Variants in KLHL24 observed in about 807,000 individuals in gnomAD.
KLHL24 encodes the protein kelch-like protein 24.
A neutral mutation model predicts 53.4 loss-of-function variants in KLHL24; 29 were observed. The ratio of observed to expected loss-of-function variants is 0.54; its 90% CI spans 0.40 to 0.74. The LOEUF is 0.74. Among genes scored for constraint, KLHL24 ranks in the 30% least tolerant of loss-of-function variants. KLHL24 has a pLI of 0.00. For missense variants in KLHL24, 504 were observed against 744.0 expected (o/e 0.68, Z 3.75); for synonymous variants, 222 against 253.7 (o/e 0.88, Z 1.19).
Position 183,652,911 on chromosome 3 carries a change from A to T in KLHL24, c.920+1635A>T, listed in dbSNP as rs558080577. ...ATACTCAGCCTGCATATCTCATAGGATTAGAGTAGGAACCAAGGGTTATAT... is the reference window on the plus strand; with the variant it reads ...ATACTCAGCCTGCATATCTCATAGGTTTAGAGTAGGAACCAAGGGTTATAT... On this transcript the variant is annotated intron_variant, in intron 3 of 7. Coordinates refer to ENST00000242810, the MANE Select transcript of KLHL24 (RefSeq NM_017644.3). Among the ~76,000 whole-genome samples the T allele has an allele frequency of 1.1e-4, 17 of 152,282 alleles. No homozygotes were observed. In the South Asian group the frequency reaches 3.5e-3, roughly 32 times the overall value.
At chr3:183,672,131 A>C (rs1393342478) in intron 6 of KLHL24, among the ~76,000 whole-genome samples, 165 bp from the exon 7 acceptor site, 3 of 152,250 alleles carry the variant, frequency 2.0e-5, no homozygotes, top group Non-Finnish European at 4.4e-5. Flanking sequence ...TTTATTTGAG[A>C]ATGTTCGTAA....
At chr3:183,664,598 A>G (rs1294461782) in intron 4 of KLHL24, among the ~76,000 whole-genome samples, 2 of 152,134 alleles carry the variant, frequency 1.3e-5, no homozygotes, top group African/African-American at 2.4e-5. Context: ...AACCTTTAGA[A>G]TAATACCATT....
intron 5 of KLHL24, among the ~76,000 whole-genome samples, chr3:183,666,532 G>A (rs974662194): frequency 6.6e-6 from 1 of 152,144 alleles, no homozygotes; most frequent in Non-Finnish European, 1.5e-5. Flanking sequence ...AAAGTGCTGG[G>A]ATTACAGGCA....
chr3:183,644,110 G>A (rs143519092), intron 2 of KLHL24: 4,227 of 133,094 alleles, frequency 0.032, 161 homozygotes, highest in East Asian at 0.17. Context: ...GTGCGATCTC[G>A]GCTCACTGCA....
At chr3:183,657,007 A>T (rs183272188) in intron 3 of KLHL24, among the ~76,000 whole-genome samples, 202 of 152,082 alleles carry the variant, frequency 1.3e-3, no homozygotes, top group African/African-American at 4.8e-3. Context: ...CCAAATACTG[A>T]TTTCCATATT....
In KLHL24 at chr3:183,680,218, AG is replaced by A. The variant is rs1560193170; in HGVS notation, c.*934del. On this transcript the variant is annotated 3_prime_UTR_variant, in exon 8 of 8. Transcript: ENST00000242810. Reference sequence around the variant, plus strand: ...TGGGGCAGGAGGATTGCTTGAGCCCAGGAGTCTGAGGCTACAGTGAGCTATG... The same window carrying A: ...TGGGGCAGGAGGATTGCTTGAGCCCAGAGTCTGAGGCTACAGTGAGCTATG... 6.6e-6 allele frequency: 1 copy of A among 152,322 alleles called. No homozygotes were observed. Among genetic ancestry groups the A allele is most frequent in the African/African-American group, 2.4e-5 (1 of 41,462 alleles). The allele number at this position is 152,322 out of a possible 1,614,324, so 9.4% of individuals were successfully genotyped here. A position where few individuals can be genotyped will look rare whatever the true frequency, so the allele number is the denominator to read the frequency against.
chr3:183,670,712 A>T (rs1358128511), intron 5 of KLHL24, among the ~76,000 whole-genome samples: 1 of 152,210 alleles, frequency 6.6e-6, no homozygotes, highest in African/African-American at 2.4e-5. Context: ...TTCTTAGAAG[A>T]TGAAAAAAAA....
chr3:183,637,930 A>AT (rs1295188680), intron 1 of KLHL24, among the ~76,000 whole-genome samples: 1 of 152,228 alleles, frequency 6.6e-6, no homozygotes, highest in Non-Finnish European at 1.5e-5. Flanking sequence ...AAGTGCTGGG[A>AT]TTGCAGGCGT....
In KLHL24 at chr3:183,680,522, A is replaced by T. The variant is rs1712569326; in HGVS notation, c.*1236A>T. The T allele has an allele frequency of 6.6e-6, 1 of 152,086 alleles. No homozygotes were observed. The highest frequency in any genetic ancestry group is 1.9e-4 in the East Asian group (1 of 5,198). 9.4% of individuals were successfully genotyped at this position (152,086 alleles called of 1,614,324 possible). A position where few individuals can be genotyped will look rare whatever the true frequency, so the allele number is the denominator to read the frequency against. On this transcript the variant is annotated 3_prime_UTR_variant, in exon 8 of 8. Coordinates refer to ENST00000242810, the MANE Select transcript of KLHL24 (RefSeq NM_017644.3). ...CTTTTAAAATTAGTTATCTGAAAAAACTTAGCAGTAGTTCCCATCTTTAAG... is the reference window on the plus strand; with the variant it reads ...CTTTTAAAATTAGTTATCTGAAAAATCTTAGCAGTAGTTCCCATCTTTAAG...
intron 2 of KLHL24, among the ~76,000 whole-genome samples, chr3:183,647,124 T>TAA (rs376372259): frequency 2.9e-5 from 4 of 138,584 alleles, no homozygotes; most frequent in Admixed American, 7.2e-5. Flanking sequence ...TTGCAACTCT[T>TAA]AAAAAAAAAA....
In KLHL24 at chr3:183,663,526, C is replaced by T; in HGVS notation, c.989C>T (p.Pro330Leu). ...GCERVGGFNL[P>L]YTECYDPVTG... The stretch of plus-strand genomic sequence containing the variant: ...GAGCGAGTTGGAGGATTTAATCTTC[C>T]ATACACTGAGTGCTACGATCCTGTA... The change falls in exon 4 of 8, where the codon CCA becomes CTA. Residue 330 changes from proline to leucine, a missense_variant. Coordinates refer to ENST00000242810, the MANE Select transcript of KLHL24 (RefSeq NM_017644.3). The surrounding 1 kb of genome is among the most constrained non-coding windows in gnomAD (Gnocchi z 4.9). 1 of 1,607,140 alleles carries T rather than the reference C, an allele frequency of 6.2e-7. No homozygotes were observed. Among genetic ancestry groups the T allele is most frequent in the Non-Finnish European group, 8.5e-7 (1 of 1,176,106 alleles).
intron 3 of KLHL24, among the ~76,000 whole-genome samples, chr3:183,653,211 C>G (rs955506915): frequency 6.6e-6 from 1 of 152,188 alleles, no homozygotes; most frequent in African/African-American, 2.4e-5. Context: ...TTTGCAGACT[C>G]TTAAAAATAC....
At chr3:183,676,241 G>A (rs765204821) in intron 7 of KLHL24, among the ~76,000 whole-genome samples, 7 of 152,102 alleles carry the variant, frequency 4.6e-5, no homozygotes, top group South Asian at 2.1e-4. Flanking sequence ...GATTACAGGC[G>A]CATGCCACCA....
Position 183,651,115 on chromosome 3 carries a change from A to C in KLHL24, c.759A>C (p.Thr253=). Residue 253 remains threonine, a synonymous_variant, in exon 3 of 8, where the codon ACA becomes ACC. Coordinates refer to ENST00000242810, the MANE Select transcript of KLHL24 (RefSeq NM_017644.3). The part of the protein sequence containing the change: ...LRRPLLHELL[T]HVRLPLLHPN... ...GACCACTGTTACACGAGCTCCTGAC[A>C]CATGTGAGACTCCCTCTGTTGCATC... is the stretch of plus-strand genomic sequence containing the variant. 1.2e-6 allele frequency: 2 copies of C among 1,614,208 alleles called. No homozygotes were observed. The highest frequency in any genetic ancestry group is 1.7e-6 in the Non-Finnish European group (2 of 1,180,038).
At chr3:183,648,126 A>G (rs1454234556) in intron 2 of KLHL24, among the ~76,000 whole-genome samples, 1 of 152,224 alleles carries the variant, frequency 6.6e-6, no homozygotes, top group Non-Finnish European at 1.5e-5. Context: ...GTTGATGATG[A>G]TGATGGTAAA....
chr3:183,646,551 A>G (rs1717279055), intron 2 of KLHL24, among the ~76,000 whole-genome samples: 1 of 152,152 alleles, frequency 6.6e-6, no homozygotes, highest in African/African-American at 2.4e-5. Context: ...CCTGTATAGC[A>G]TGCAAGCATT....
chr3:183,657,973 G>A (rs1025108233), intron 3 of KLHL24, among the ~76,000 whole-genome samples: 2 of 152,084 alleles, frequency 1.3e-5, no homozygotes, highest in Non-Finnish European at 2.9e-5. Flanking sequence ...AGCACTTTGG[G>A]AGGCCGAGGT....
chr3:183,650,451 A>G lies in KLHL24; in HGVS notation c.95A>G (p.Lys32Arg), dbSNP rs760724729. ...TKRKVFEMDPKSLTGHEFFDF... is the reference protein window; with the variant it reads ...TKRKVFEMDPRSLTGHEFFDF... ...CGAAAAGTTTTTGAAATGGACCCCA[A>G]ATCTCTGACAGGTCATGAGTTTTTT... is the stretch of plus-strand genomic sequence containing the variant. Residue 32 changes from lysine to arginine, a missense_variant, in exon 3 of 8, where the codon AAA becomes AGA. Coordinates refer to ENST00000242810, the MANE Select transcript of KLHL24 (RefSeq NM_017644.3). The surrounding 1 kb of genome is among the most constrained non-coding windows in gnomAD (Gnocchi z 4.5). 19 of 1,614,026 alleles carry G rather than the reference A, an allele frequency of 1.2e-5. No individual in the cohort carries two copies. The highest frequency in any genetic ancestry group is 3.3e-5 in the Admixed American group (2 of 59,984).
chr3:183,668,208 A>G (rs1720846424), intron 5 of KLHL24, among the ~76,000 whole-genome samples: 1 of 152,038 alleles, frequency 6.6e-6, no homozygotes, highest in Non-Finnish European at 1.5e-5. Flanking sequence ...GTGCCTCAAG[A>G]AGGACAAAAT....
Sources: gnomAD v4.1 joint callset for allele counts (sites outside exome capture counted in the v4.1 genomes callset) on GRCh38, gnomAD v4.1.1 for gene constraint, Gnocchi (gnomAD v3.1) non-coding constraint, MANE v1.5 for transcripts, NCBI Gene and HGNC (gene_info 2026-07-23, HGNC 2026-07-21) for gene names.